The following DNASE2B variants were observed in gnomAD, a reference collection of about 807,000 sequenced individuals.
DNASE2B encodes deoxyribonuclease 2 beta.
Under a neutral mutation model 46.0 loss-of-function variants are expected in DNASE2B, and 43 were observed. The ratio of observed to expected loss-of-function variants is 0.94; its 90% confidence interval spans 0.73 to 1.21. DNASE2B has a LOEUF of 1.21. Ranked by LOEUF, DNASE2B falls within the 50% of genes most tolerant of loss-of-function variation. The pLI is 0.00. For missense variants in DNASE2B, 395 were observed against 414.4 expected (o/e 0.95, Z 0.41); for synonymous variants, 156 against 152.5 (o/e 1.02, Z -0.17).
intron 1 of DNASE2B, among the ~76,000 whole-genome samples, chr1:84,398,987 T>C (rs2101845606): frequency 6.6e-6 from 1 of 152,340 alleles, no homozygotes; most frequent in Admixed American, 6.5e-5. Flanking sequence ...AGCTGGCAAT[T>C]TCTTTTAATT....
At position 84,402,027 on chromosome 1, in the gene DNASE2B, GA is replaced by G. The variant is rs1160408981; in HGVS notation, c.253del (p.Ser85ValfsTer24). The part of the protein sequence containing the change: ...KSEQLMNDTK[S>X]VLGRTLQQLY... ...GTGAGCAACTAATGAATGACACCAA[GA>G]GTGTTTTGGGAAGGACATTACAACA... On this transcript the variant is annotated frameshift_variant, in exon 2 of 6. Coordinates refer to ENST00000370665, the MANE Select transcript of DNASE2B (RefSeq NM_021233.3). LOFTEE classifies it high-confidence loss of function. The G allele has an allele frequency of 2.5e-6, 4 of 1,610,660 alleles. No homozygotes were observed. Among genetic ancestry groups the G allele is most frequent in the African/African-American group, 1.3e-5 (1 of 74,746 alleles).
In DNASE2B at chr1:84,414,521, A is replaced by G. The variant is rs201823459; in HGVS notation, c.746-7A>G. 4.8e-5 allele frequency: 76 copies of G among 1,594,908 alleles called. No individual in the cohort carries two copies. In the Admixed American group the frequency reaches 7.0e-4, roughly 15 times the overall value. On this transcript the variant is annotated splice_region_variant and splice_polypyrimidine_tract_variant and intron_variant, in intron 5 of 5. Coordinates refer to ENST00000370665, the MANE Select transcript of DNASE2B (RefSeq NM_021233.3). ...AACCTCACTATCTTTCTCCTCCTAA[A>G]CCCTAGACATCTTTGCAGCCTGGAT...
At position 84,412,499 on chromosome 1, in the gene DNASE2B, A is replaced by G; in HGVS notation, c.698A>G (p.Gln233Arg). 6.2e-7 allele frequency: 1 copy of G among 1,612,804 alleles called. No homozygotes were observed. The highest frequency in any genetic ancestry group is 1.3e-5 in the African/African-American group (1 of 74,966). ...CTCCTCACCACACTTCAGTCGGCCC[A>G]GGGACAAAAATTCCTCCATTTTGCA... The part of the protein sequence containing the change: ...GRLLTTLQSA[Q>R]GQKFLHFAKS... Residue 233 changes from glutamine (Q) to arginine (R), a missense_variant, in exon 5 of 6, where the codon CAG (glutamine) becomes CGG (arginine). Gln to Arg is a conservative substitution (Grantham distance 43, BLOSUM62 1). Transcript: ENST00000370665.
At chr1:84,406,196 C>T (rs780762329) in intron 2 of DNASE2B, among the ~76,000 whole-genome samples, 23 of 151,956 alleles carry the variant, frequency 1.5e-4, no homozygotes, top group African/African-American at 4.3e-4. Flanking sequence ...AAAATGAAAA[C>T]GCCTGCAGCT....
At chr1:84,405,763 G>A (rs1221132214) in intron 2 of DNASE2B, among the ~76,000 whole-genome samples, 2 of 152,164 alleles carry the variant, frequency 1.3e-5, no homozygotes, top group East Asian at 1.9e-4. Context: ...CACCTCAATG[G>A]TGACAAAAGG....
intron 2 of DNASE2B, among the ~76,000 whole-genome samples, chr1:84,403,113 C>A (rs1047730883): frequency 6.6e-6 from 1 of 152,208 alleles, no homozygotes; most frequent in Non-Finnish European, 1.5e-5. Flanking sequence ...GTGCCAAGCA[C>A]TTTTCTAGAT....
intron 1 of DNASE2B, among the ~76,000 whole-genome samples, chr1:84,399,736 C>T (rs762439328): frequency 5.9e-5 from 9 of 152,022 alleles, no homozygotes; most frequent in East Asian, 1.9e-4. Flanking sequence ...GGAAGATGAC[C>T]GGAGGTGAGG....
intron 2 of DNASE2B, 70 bp downstream of exon 2, chr1:84,402,148 A>T: frequency 2.0e-6 from 3 of 1,475,098 alleles, no homozygotes; most frequent in East Asian, 5.1e-5. Context: ...AGCCTTCACC[A>T]GAGTTTTCTG....
At position 84,414,791 on chromosome 1, in the gene DNASE2B, G is replaced by C. The variant is rs1240751087; in HGVS notation, c.1009G>C (p.Gly337Arg). 6.2e-7 allele frequency: 1 copy of C among 1,614,038 alleles called. No individual in the cohort carries two copies. Among genetic ancestry groups the C allele is most frequent in the African/African-American group, 1.3e-5 (1 of 74,910 alleles). Reference sequence around the variant, plus strand: ...TCCACACCAAGCCTTCAGAAGTGGAGGATTCATTTGTACCCAGAATTGGCA... The same window carrying C: ...TCCACACCAAGCCTTCAGAAGTGGACGATTCATTTGTACCCAGAATTGGCA... ...RSPHQAFRSG[G>R]FICTQNWQIY... Residue 337 changes from glycine to arginine, a missense_variant, in exon 6 of 6, where the codon GGA (glycine) becomes CGA (arginine). By Grantham distance (125) the Gly-to-Arg change is moderately radical. Coordinates refer to ENST00000370665, the MANE Select transcript of DNASE2B (RefSeq NM_021233.3).
intron 3 of DNASE2B, among the ~76,000 whole-genome samples, chr1:84,409,342 G>A (rs551916157): frequency 4.6e-4 from 70 of 152,232 alleles, no homozygotes; most frequent in African/African-American, 1.7e-3. Flanking sequence ...GGCAAATGAT[G>A]TCAGCAAGTG....
intron 4 of DNASE2B, among the ~76,000 whole-genome samples, chr1:84,411,673 G>C (rs1316597597): frequency 1.3e-5 from 2 of 152,150 alleles, no homozygotes; most frequent in Non-Finnish European, 2.9e-5. Flanking sequence ...GGTGGGAAAG[G>C]AGAAGTAGGG....
At chr1:84,408,014 T>C (rs1680519145) in intron 2 of DNASE2B, among the ~76,000 whole-genome samples, 1 of 152,176 alleles carries the variant, frequency 6.6e-6, no homozygotes. Flanking sequence ...TGACAGCCAG[T>C]TCTGCACTGT....
intron 2 of DNASE2B, among the ~76,000 whole-genome samples, chr1:84,407,463 T>C (rs1252160589): frequency 1.3e-5 from 2 of 152,230 alleles, no homozygotes. Context: ...GACTATGTTG[T>C]GCATTGAAAA....
At chr1:84,402,801 A>G (rs931595530) in intron 2 of DNASE2B, among the ~76,000 whole-genome samples, 2 of 152,220 alleles carry the variant, frequency 1.3e-5, no homozygotes, top group African/African-American at 4.8e-5. Context: ...ACATCCAATT[A>G]TACTCATGTA....
At chr1:84,409,681 C>T (rs192658507) in intron 3 of DNASE2B, among the ~76,000 whole-genome samples, 2 of 152,160 alleles carry the variant, frequency 1.3e-5, no homozygotes, top group African/African-American at 4.8e-5. Context: ...CATTCTTCAA[C>T]CTCTCCTCCA....
intron 3 of DNASE2B, 67 bp downstream of exon 3, chr1:84,408,585 G>C (rs1201442487): frequency 7.1e-7 from 1 of 1,406,736 alleles, no homozygotes; most frequent in Non-Finnish European, 9.8e-7. Context: ...ATTTCATCTT[G>C]AGTATCCTTA....
At chr1:84,403,196 G>C (rs922694878) in intron 2 of DNASE2B, among the ~76,000 whole-genome samples, 2 of 152,146 alleles carry the variant, frequency 1.3e-5, no homozygotes, top group Admixed American at 1.3e-4. Flanking sequence ...GAACCATGCT[G>C]GGGTAGGGGT....
chr1:84,400,374 AAAAC>A (rs1286885743), intron 1 of DNASE2B, among the ~76,000 whole-genome samples: 1 of 152,218 alleles, frequency 6.6e-6, no homozygotes, highest in Non-Finnish European at 1.5e-5. Flanking sequence ...GTCTCAAAAA[AAAAC>A]AAAAAACAAA....
rs1378095302 is a variant in DNASE2B, at chr1:84,408,293, G to C, written c.304-144G>C. 11 of 1,254,044 alleles carry C rather than the reference G, an allele frequency of 8.8e-6. No individual in the cohort carries two copies. The East Asian group carries it at 3.5e-4, about 40-fold the overall frequency. 77.7% of individuals were successfully genotyped at this position (1,254,044 alleles called of 1,614,324 possible). A position where few individuals can be genotyped will look rare whatever the true frequency, so the allele number is the denominator to read the frequency against. On this transcript the variant is annotated intron_variant, in intron 2 of 5. Transcript: ENST00000370665. Reference sequence around the variant, plus strand: ...TCATGTCACAGGCTTCATATTGATGGGGAAGCTGCCTATTAGGGGAATAGA... The same window carrying C: ...TCATGTCACAGGCTTCATATTGATGCGGAAGCTGCCTATTAGGGGAATAGA...
Sources: allele counts gnomAD v4.1 joint callset (sites outside exome capture counted in the v4.1 genomes callset), GRCh38; gene constraint gnomAD v4.1.1; transcripts MANE v1.5; gene names NCBI Gene and HGNC (gene_info 2026-07-23, HGNC 2026-07-21).